The following PTPRO variants were observed in gnomAD, a reference collection of about 807,000 sequenced individuals.
PTPRO encodes the protein protein tyrosine phosphatase receptor type O.
A neutral mutation model predicts 145.2 loss-of-function variants in PTPRO; 62 were observed. The observed-to-expected ratio is 0.43, with a 90% confidence interval of 0.35 to 0.53. The LOEUF is 0.53. PTPRO is among the 20% of genes least tolerant of loss of function. The probability of loss-of-function intolerance (pLI) is 0.01; values close to 1 mark genes in which losing one functional copy is unlikely to be tolerated. For synonymous variants in PTPRO, 565 were observed against 514.7 expected, an observed-to-expected ratio of 1.10 and a Z score of -1.32; for missense variants, 1,345 against 1,482.7, an observed-to-expected ratio of 0.91 and a Z score of 1.53.
At chr12:15,462,473 T>C (rs1276165586) in intron 1 of PTPRO, among the ~76,000 whole-genome samples, 2 of 152,204 alleles carry the variant, frequency 1.3e-5, no homozygotes, top group Admixed American at 6.5e-5. Flanking sequence ...TAAAATACTC[T>C]TGCTGCCATG....
intron 1 of PTPRO, among the ~76,000 whole-genome samples, chr12:15,381,776 T>G (rs930983836): frequency 1.3e-5 from 2 of 152,186 alleles, no homozygotes; most frequent in African/African-American, 4.8e-5. Context: ...CTCCCTTTTC[T>G]TCCTCTAAGT....
At chr12:15,460,704 T>A (rs1941281686) in intron 1 of PTPRO, among the ~76,000 whole-genome samples, 1 of 152,202 alleles carries the variant, frequency 6.6e-6, no homozygotes, top group Non-Finnish European at 1.5e-5. Flanking sequence ...AACATTGTAA[T>A]GGAAATATCA....
rs1193252372 is a variant in PTPRO, at chr12:15,360,858, GTA to G, written c.75+38063_75+38064del. The stretch of plus-strand genomic sequence containing the variant: ...TATATACGTGTGTATATATGTGTGT[GTA>G]TATATGTGTGTATATACACACATAC... On this transcript the variant is annotated intron_variant, in intron 1 of 26. Coordinates refer to ENST00000281171, the MANE Select transcript of PTPRO (RefSeq NM_030667.3). Among the ~76,000 whole-genome samples the G allele has an allele frequency of 2.5e-4, 27 of 108,178 alleles. 1 individual carries two copies. Among genetic ancestry groups the G allele is most frequent in the East Asian group, 2.5e-4 (1 of 4,036 alleles). 71.0% of individuals were successfully genotyped at this position (108,178 alleles called of 152,430 possible). A position where few individuals can be genotyped will look rare whatever the true frequency, so the allele number is the denominator to read the frequency against.
At chr12:15,373,727 G>T (rs1280312494) in intron 1 of PTPRO, among the ~76,000 whole-genome samples, 1 of 152,052 alleles carries the variant, frequency 6.6e-6, no homozygotes, top group Non-Finnish European at 1.5e-5. Flanking sequence ...AATAAATATT[G>T]ACTTCATCCT....
intron 1 of PTPRO, chr12:15,440,276 A>C: frequency 1.7e-6 from 1 of 589,856 alleles, no homozygotes; most frequent in South Asian, 1.9e-5. Flanking sequence ...CAGCTACCTG[A>C]CCCCCAACCT....
intron 1 of PTPRO, among the ~76,000 whole-genome samples, chr12:15,372,345 C>T (rs1380234109): frequency 6.6e-6 from 1 of 152,062 alleles, no homozygotes; most frequent in Non-Finnish European, 1.5e-5. Context: ...TAGCAGGAAC[C>T]ACTTATATGG....
At chr12:15,521,103 C>T (rs949619238) in intron 10 of PTPRO, among the ~76,000 whole-genome samples, 6 of 151,938 alleles carry the variant, frequency 3.9e-5, no homozygotes, top group East Asian at 1.9e-4. Context: ...AACCTTTTAT[C>T]GAACGACAAG....
chr12:15,584,245 C>G lies in PTPRO; in HGVS notation c.3255+2444C>G, dbSNP rs568305996. 8.7e-4 allele frequency among the ~76,000 whole-genome samples: 133 copies of G among 152,310 alleles called. 2 individuals carry two copies. Among genetic ancestry groups the G allele is most frequent in the African/African-American group, 3.1e-3 (128 of 41,566 alleles). On this transcript the variant is annotated intron_variant, in intron 23 of 26. Transcript: ENST00000281171. ...GAGTTATTTCAAAAATAATAAGGCA[C>G]TTGTAAAGCATCAATAGACTTTCCG...
chr12:15,587,122 C>T, intron 24 of PTPRO, 71 bp downstream of exon 24: 13 of 1,535,480 alleles, frequency 8.5e-6, no homozygotes, highest in Non-Finnish European at 1.1e-5. Flanking sequence ...CTCACCATTC[C>T]ATAAGCCCTT....
At chr12:15,534,948 G>A (rs1943038048) in intron 12 of PTPRO, among the ~76,000 whole-genome samples, 1 of 152,168 alleles carries the variant, frequency 6.6e-6, no homozygotes, top group South Asian at 2.1e-4. Context: ...GGTTGTAATG[G>A]AGATGAAGAG....
At chr12:15,328,635 A>G (rs1366774828) in intron 1 of PTPRO, among the ~76,000 whole-genome samples, 1 of 152,216 alleles carries the variant, frequency 6.6e-6, no homozygotes. Flanking sequence ...ATGAATGGTA[A>G]TTTCTGTAAG....
At chr12:15,424,522 G>T (rs894243849) in intron 1 of PTPRO, among the ~76,000 whole-genome samples, 1 of 152,034 alleles carries the variant, frequency 6.6e-6, no homozygotes, top group Non-Finnish European at 1.5e-5. Context: ...TGATGGCCTG[G>T]ATCGTTTAGG....
intron 9 of PTPRO, among the ~76,000 whole-genome samples, chr12:15,518,958 G>T (rs1291381785): frequency 6.6e-6 from 1 of 151,996 alleles, no homozygotes; most frequent in Non-Finnish European, 1.5e-5. Flanking sequence ...GTTCCAAATT[G>T]CTTCCACAGT....
intron 1 of PTPRO, among the ~76,000 whole-genome samples, chr12:15,400,140 G>A (rs997237108): frequency 5.4e-5 from 8 of 149,344 alleles, no homozygotes; most frequent in South Asian, 2.2e-4. Flanking sequence ...ACAGACATGC[G>A]CCACCACGCC....
intron 1 of PTPRO, among the ~76,000 whole-genome samples, chr12:15,475,174 CTTA>C (rs1018089498): frequency 6.6e-6 from 1 of 152,198 alleles, no homozygotes; most frequent in African/African-American, 2.4e-5. Flanking sequence ...TACTCTTCTT[CTTA>C]TTATCACAAC....
At chr12:15,569,047 A>G (rs1184173660) in intron 18 of PTPRO, among the ~76,000 whole-genome samples, 3 of 152,198 alleles carry the variant, frequency 2.0e-5, no homozygotes, top group Non-Finnish European at 4.4e-5. Context: ...AAGCAAAACC[A>G]TAACTCAAAC....
At chr12:15,593,418 C>T (rs1285406392) in intron 25 of PTPRO, among the ~76,000 whole-genome samples, 1 of 152,230 alleles carries the variant, frequency 6.6e-6, no homozygotes. Flanking sequence ...ATTACCCTTA[C>T]TTCTTGGCAG....
chr12:15,452,104 A>T (rs189432474), intron 1 of PTPRO, among the ~76,000 whole-genome samples: 1 of 152,326 alleles, frequency 6.6e-6, no homozygotes, highest in East Asian at 1.9e-4. Flanking sequence ...TAGTGAGATT[A>T]ACCAAGAAAA....
chr12:15,352,362 G>A (rs1254850305), intron 1 of PTPRO, among the ~76,000 whole-genome samples: 1 of 152,122 alleles, frequency 6.6e-6, no homozygotes, highest in Non-Finnish European at 1.5e-5. Flanking sequence ...GAAATGGGAA[G>A]GTTTTCAGCC....
Sources: allele counts gnomAD v4.1 joint callset (sites outside exome capture counted in the v4.1 genomes callset), GRCh38; gene constraint gnomAD v4.1.1; transcripts MANE v1.5; gene names NCBI Gene and HGNC (gene_info 2026-07-23, HGNC 2026-07-21).